The following HTT variants were observed in gnomAD, a reference collection of about 807,000 sequenced individuals.
HTT encodes huntingtin, also known as huntington disease protein.
HTT carries 104 observed loss-of-function variants against 362.3 expected under a neutral mutation model. That is an observed-to-expected ratio of 0.29 (90% CI 0.24 to 0.34). The LOEUF is 0.34. Ranked by LOEUF, HTT falls within the 10% of genes least tolerant of loss-of-function variation. The probability of loss-of-function intolerance (pLI) is 1.00; values close to 1 mark genes in which losing one functional copy is unlikely to be tolerated. For synonymous variants in HTT, 1,577 were observed against 1,548.7 expected (o/e 1.02, Z -0.43); for missense variants, 3,301 against 3,928.6 (o/e 0.84, Z 4.27).
At chr4:3,209,683 C>T (rs41264735) in intron 46 of HTT, 144 bp from the exon 47 acceptor site, 16,951 of 907,846 alleles carry the variant, frequency 0.019, 510 homozygotes, top group South Asian at 0.098. Flanking sequence ...TGTGGTGAGC[C>T]GTATAGCCAC....
rs776022895 is a variant in HTT, at chr4:3,132,826, C to A, written c.2408C>A (p.Ser803Tyr). ...TIRTLTGNTF[S>Y]LADCIPLLRK... ...TTCTTCTGGTTAGGAAATACATTTTCTTTGGCGGATTGCATTCCTTTGCTG... is the reference window on the plus strand; with the variant it reads ...TTCTTCTGGTTAGGAAATACATTTTATTTGGCGGATTGCATTCCTTTGCTG... Residue 803 changes from serine (S) to tyrosine (Y), a missense_variant, in exon 18 of 67, where the codon TCT becomes TAT. Ser to Tyr is a moderately radical substitution (Grantham distance 144). Around this residue, in one of 4 missense-constraint regions of HTT, gnomAD observed 2,316 missense variants for 2,658.5 expected, o/e 0.87. Coordinates refer to ENST00000355072, the MANE Select transcript of HTT (RefSeq NM_001388492.1). 64 of 1,614,004 alleles carry A rather than the reference C, an allele frequency of 4.0e-5. No homozygotes were observed. Among genetic ancestry groups the A allele is most frequent in the Non-Finnish European group, 5.4e-5 (64 of 1,179,940 alleles).
intron 2 of HTT, among the ~76,000 whole-genome samples, chr4:3,094,787 G>C (rs1391864908): frequency 1.3e-5 from 2 of 150,300 alleles, no homozygotes; most frequent in Non-Finnish European, 3.0e-5. Flanking sequence ...GCTGCTGGGC[G>C]GAGGGGCTCC....
chr4:3,139,360 G>A (rs1171161952), intron 21 of HTT, among the ~76,000 whole-genome samples: 2 of 152,124 alleles, frequency 1.3e-5, no homozygotes, highest in Non-Finnish European at 2.9e-5. Context: ...ACCATGCCCG[G>A]CTAATTTTTG....
intron 1 of HTT, among the ~76,000 whole-genome samples, chr4:3,077,625 G>A (rs923976596): frequency 5.9e-5 from 9 of 151,986 alleles, no homozygotes; most frequent in Admixed American, 4.6e-4. Context: ...TCACCATGTT[G>A]GCCAGGCTGG....
intron 26 of HTT, among the ~76,000 whole-genome samples, chr4:3,153,039 T>C (rs1716976860): frequency 6.6e-6 from 1 of 152,120 alleles, no homozygotes; most frequent in Admixed American, 6.5e-5. Context: ...TGGTTTAAGG[T>C]GACTGTCTTA....
chr4:3,092,024 T>C (rs1047819266), intron 2 of HTT, among the ~76,000 whole-genome samples: 1 of 152,142 alleles, frequency 6.6e-6, no homozygotes, highest in South Asian at 2.1e-4. Flanking sequence ...AAGATATATT[T>C]ATTTATGTGT....
intron 21 of HTT, among the ~76,000 whole-genome samples, chr4:3,138,197 G>GCCTT (rs921885447): frequency 1.1e-4 from 13 of 123,208 alleles, no homozygotes; most frequent in South Asian, 4.6e-4. Context: ...CTGCCTGCCT[G>GCCTT]CCTTCCTTCC....
In HTT at chr4:3,228,979, G is replaced by T; in HGVS notation, c.8079G>T (p.Pro2693=). Residue 2693 remains proline (P), a synonymous_variant, in exon 59 of 67, where the codon CCG becomes CCT. Transcript: ENST00000355072. The surrounding 1 kb of genome is among the most constrained non-coding windows in gnomAD (Gnocchi z 4.3). ...CGTCCAGCTCAGCCAGGAGGACCCC[G>T]GCCATCCTGATCAGTGAGGTGGTCA... The part of the protein sequence containing the change: ...ILPSSSARRT[P]AILISEVVRS... 5 of 1,613,644 alleles carry T rather than the reference G, an allele frequency of 3.1e-6. No individual in the cohort carries two copies. The highest frequency in any genetic ancestry group is 4.2e-6 in the Non-Finnish European group (5 of 1,179,752).
intron 33 of HTT, among the ~76,000 whole-genome samples, chr4:3,176,709 A>G (rs1718260744): frequency 6.6e-6 from 1 of 152,236 alleles, no homozygotes; most frequent in African/African-American, 2.4e-5. Context: ...GTACAGTGAC[A>G]GTTTTATGAA....
rs757852697 is a variant in HTT, at chr4:3,236,137, CT to C, written c.8786-8del. On this transcript the variant is annotated splice_polypyrimidine_tract_variant and intron_variant, in intron 63 of 66. Transcript: ENST00000355072. The stretch of plus-strand genomic sequence containing the variant: ...ATAGAGGTAACCTTCGTACTGAACA[CT>C]TTTGTTACAGGAAAGGAGAAAGTCA... 3 of 1,604,794 alleles carry C rather than the reference CT, an allele frequency of 1.9e-6. No homozygotes were observed. The Admixed American group carries it at 5.0e-5, about 27-fold the overall frequency.
intron 14 of HTT, among the ~76,000 whole-genome samples, chr4:3,130,833 GT>G (rs1553913689): frequency 1.3e-5 from 2 of 152,096 alleles, no homozygotes; most frequent in Non-Finnish European, 2.9e-5. Flanking sequence ...AAGGAATAGC[GT>G]TTCACAGTTC....
At chr4:3,232,588 T>G (rs978228513) in intron 60 of HTT, among the ~76,000 whole-genome samples, 3 of 152,218 alleles carry the variant, frequency 2.0e-5, no homozygotes. Context: ...TACCCCAGGC[T>G]TTTCTAGAAA....
At chr4:3,173,306 C>T (rs1177249857) in intron 31 of HTT, 175 bp downstream of exon 31, 2 of 614,978 alleles carry the variant, frequency 3.3e-6, no homozygotes, top group Non-Finnish European at 5.7e-6. Flanking sequence ...AAGGCATAGC[C>T]CGGCCTTCCA....
chr4:3,178,374 A>T lies in HTT; in HGVS notation c.4540A>T (p.Ile1514Phe). 1 of 1,612,744 alleles carries T rather than the reference A, an allele frequency of 6.2e-7. No individual in the cohort carries two copies. Among genetic ancestry groups the T allele is most frequent in the Non-Finnish European group, 8.5e-7 (1 of 1,178,740 alleles). Residue 1514 changes from isoleucine to phenylalanine, a missense_variant, in exon 35 of 67, where the codon ATC (isoleucine) becomes TTC (phenylalanine). Physicochemically the swap from Ile to Phe is conservative, Grantham distance 21. Transcript: ENST00000355072. ...LSYERYHSKQ[I>F]IGIPKIIQLC... ...TTATGAACGCTATCATTCAAAACAG[A>T]TCATTGGAATTCCTAAAATCATTCA... is the stretch of plus-strand genomic sequence containing the variant.
rs1560534939 is a variant in HTT at position 3,074,914 on chromosome 4, AGCAGCAGCAGCAG to A, written c.90_102del (p.Gln30HisfsTer67). 2.4e-4 allele frequency: 351 copies of A among 1,487,606 alleles called. 1 individual carries two copies. The African/African-American group carries it at 3.3e-3, about 14-fold the overall frequency. The allele number at this position is 1,487,606 out of a possible 1,614,324, so 92.2% of individuals were successfully genotyped here. A position where few individuals can be genotyped will look rare whatever the true frequency, so the allele number is the denominator to read the frequency against. On this transcript the variant is annotated frameshift_variant, in exon 1 of 67. Coordinates refer to ENST00000355072, the MANE Select transcript of HTT (RefSeq NM_001388492.1). LOFTEE classifies it high-confidence loss of function. ...CAGCAGCAGCAGCAGCAGCAGCAGC[AGCAGCAGCAGCAG>A]CAGCAGCAACAGCCGCCACCGCCGC...
At chr4:3,199,989 C>G (rs1719458382) in intron 41 of HTT, 50 bp downstream of exon 41, 1 of 1,479,300 alleles carries the variant, frequency 6.8e-7, no homozygotes, top group Non-Finnish European at 9.3e-7. Flanking sequence ...GCACCCTGTC[C>G]TGAGACTCCC....
intron 31 of HTT, 32 bp from the exon 32 acceptor site, chr4:3,174,689 T>G (rs143331138): frequency 7.5e-5 from 115 of 1,538,752 alleles, no homozygotes; most frequent in Middle Eastern, 6.8e-4. Context: ...GATATTCTCA[T>G]TCTCTGCTTC....
At chr4:3,153,921 G>C (rs1474466165) in intron 26 of HTT, among the ~76,000 whole-genome samples, 1 of 148,806 alleles carries the variant, frequency 6.7e-6, no homozygotes, top group Non-Finnish European at 1.5e-5. Flanking sequence ...TCTCAAAAAA[G>C]AAAAAAAAAA....
At chr4:3,123,045 A>T in intron 10 of HTT, 109 bp downstream of exon 10, 1 of 758,074 alleles carries the variant, frequency 1.3e-6, no homozygotes, top group South Asian at 2.2e-5. Flanking sequence ...GACTCTGTGT[A>T]TATCTCTTCT....
Sources: allele counts gnomAD v4.1 joint callset (sites outside exome capture counted in the v4.1 genomes callset), GRCh38; gene constraint gnomAD v4.1.1; regional missense constraint gnomAD v4.1.1; non-coding constraint Gnocchi (gnomAD v3.1); transcripts MANE v1.5; gene names NCBI Gene and HGNC (gene_info 2026-07-23, HGNC 2026-07-21).